PAFAH1B2: variants seen among roughly 807,000 people sequenced by gnomAD.
PAFAH1B2 encodes the protein platelet-activating factor acetylhydrolase IB subunit alpha2.
In PAFAH1B2, 8 loss-of-function variants were observed where a neutral mutation model predicts 28.0. The observed-to-expected ratio is 0.29, with a 90% CI of 0.17 to 0.52. The LOEUF (loss-of-function observed/expected upper bound fraction) is 0.52, where lower values mean the gene tolerates loss of function less well. PAFAH1B2 is among the 20% of genes least tolerant of loss of function. PAFAH1B2 has a pLI of 0.97. For missense variants in PAFAH1B2, 190 were observed against 282.6 expected (o/e 0.67, Z 2.35); for synonymous variants, 104 against 103.2 (o/e 1.01, Z -0.05).
intron 1 of PAFAH1B2, among the ~76,000 whole-genome samples, chr11:117,151,777 T>G (rs1246090480): frequency 1.3e-5 from 2 of 152,048 alleles, no homozygotes; most frequent in African/African-American, 4.8e-5. Flanking sequence ...CTCGGCTCAC[T>G]GCAAGCTCCA....
chr11:117,153,719 A>G (rs61905475), intron 2 of PAFAH1B2, among the ~76,000 whole-genome samples: 4,347 of 152,102 alleles, frequency 0.029, 87 homozygotes, highest in Non-Finnish European at 0.036. Flanking sequence ...ATATGTATAT[A>G]CTAACGTAGT....
At chr11:117,151,453 T>C (rs1178801842) in intron 1 of PAFAH1B2, among the ~76,000 whole-genome samples, 1 of 152,074 alleles carries the variant, frequency 6.6e-6, no homozygotes, top group African/African-American at 2.4e-5. Flanking sequence ...ATGGTCTCAA[T>C]CTCCTGACCT....
chr11:117,148,259 G>T (rs973138231), intron 1 of PAFAH1B2, among the ~76,000 whole-genome samples: 1 of 151,812 alleles, frequency 6.6e-6, no homozygotes, highest in Admixed American at 6.6e-5. Flanking sequence ...CACCATGTTG[G>T]CCAGGCTGGT....
At position 117,170,174 on chromosome 11, in the gene PAFAH1B2, C is replaced by T; in HGVS notation, c.*2475C>T. 9.5e-6 allele frequency: 10 copies of T among 1,055,774 alleles called. No homozygotes were observed. The highest frequency in any genetic ancestry group is 1.1e-5 in the Non-Finnish European group (10 of 873,342). The allele number at this position is 1,055,774 out of a possible 1,614,324, so 65.4% of individuals were successfully genotyped here. On this transcript the variant is annotated 3_prime_UTR_variant, in exon 6 of 6. Coordinates refer to ENST00000527958, the MANE Select transcript of PAFAH1B2 (RefSeq NM_002572.4). ...TTGACATCCTAGTTTGCGTCAGTGACAGAACTTACTGCTTAGTCTTTGTAC... is the reference window on the plus strand; with the variant it reads ...TTGACATCCTAGTTTGCGTCAGTGATAGAACTTACTGCTTAGTCTTTGTAC...
chr11:117,175,827 AG>A, downstream of PAFAH1B2: 1 of 1,340,094 alleles, frequency 7.5e-7, no homozygotes, highest in Non-Finnish European at 1.0e-6. Flanking sequence ...GCTACTCGAG[AG>A]GCTGTGGCAG....
intron 1 of PAFAH1B2, among the ~76,000 whole-genome samples, chr11:117,146,643 G>C (rs1180171865): frequency 1.3e-5 from 2 of 152,100 alleles, no homozygotes; most frequent in Non-Finnish European, 2.9e-5. Flanking sequence ...GCAGTGAGCT[G>C]TGTTACGCCA....
intron 5 of PAFAH1B2, chr11:117,164,097 G>A (rs1211250423): frequency 2.7e-5 from 13 of 487,984 alleles, no homozygotes; most frequent in South Asian, 8.0e-5. Flanking sequence ...TTTTATCCAC[G>A]CATCCTTGTT....
intron 2 of PAFAH1B2, among the ~76,000 whole-genome samples, chr11:117,157,417 C>T (rs1237607207): frequency 6.6e-6 from 1 of 152,104 alleles, no homozygotes; most frequent in Non-Finnish European, 1.5e-5. Flanking sequence ...CCTAGGATTA[C>T]AGGCGTGAGC....
downstream of PAFAH1B2, among the ~76,000 whole-genome samples, chr11:117,172,624 T>TTA (rs1956698612): frequency 6.6e-6 from 1 of 152,046 alleles, no homozygotes; most frequent in African/African-American, 2.4e-5. Flanking sequence ...CCAAGAGCAC[T>TTA]GAGCTTCCTT....
downstream of PAFAH1B2, among the ~76,000 whole-genome samples, chr11:117,172,231 AATG>A (rs1343105498): frequency 6.6e-6 from 1 of 151,956 alleles, no homozygotes; most frequent in Non-Finnish European, 1.5e-5. Flanking sequence ...ATCTTAACCC[AATG>A]ACATGTTTTT....
chr11:117,152,286 T>C (rs2134176907), intron 1 of PAFAH1B2, among the ~76,000 whole-genome samples, 155 bp from the exon 2 acceptor site: 1 of 152,384 alleles, frequency 6.6e-6, no homozygotes, highest in African/African-American at 2.4e-5. Flanking sequence ...AATTCATCTC[T>C]ACAGAAAGTA....
downstream of PAFAH1B2, among the ~76,000 whole-genome samples, chr11:117,172,390 ATATATATATATATATTTTTTTTTT>A (rs1956687064): frequency 5.3e-4 from 1 of 1,878 alleles, no homozygotes; most frequent in African/African-American, 2.0e-3. Context: ...ATATATATAT[ATATATATATATATATTTTTTTTTT>A]TTTTTTTTTT....
At chr11:117,156,231 G>A (rs1273062907) in intron 2 of PAFAH1B2, among the ~76,000 whole-genome samples, 2 of 152,136 alleles carry the variant, frequency 1.3e-5, no homozygotes, top group East Asian at 1.9e-4. Context: ...TATAAAAACT[G>A]CATTGCTACA....
downstream of PAFAH1B2, among the ~76,000 whole-genome samples, chr11:117,174,467 A>T (rs923518361): frequency 6.7e-6 from 1 of 149,074 alleles, no homozygotes; most frequent in African/African-American, 2.5e-5. Flanking sequence ...TACAGGCGTG[A>T]GTCACCGCCC....
At chr11:117,151,011 C>A (rs922530525) in intron 1 of PAFAH1B2, among the ~76,000 whole-genome samples, 1 of 150,988 alleles carries the variant, frequency 6.6e-6, no homozygotes, top group Non-Finnish European at 1.5e-5. Context: ...AAAAAGATGA[C>A]CTTCTTTTCT....
intron 1 of PAFAH1B2, among the ~76,000 whole-genome samples, chr11:117,146,483 A>G (rs1160620856): frequency 6.6e-6 from 1 of 152,178 alleles, no homozygotes; most frequent in East Asian, 1.9e-4. Flanking sequence ...TCAATTGGAA[A>G]GAATACAACA....
Position 117,163,919 on chromosome 11 carries a change from TTTG to T in PAFAH1B2, c.411+30_411+32del, listed in dbSNP as rs778447498. The T allele has an allele frequency of 5.0e-6, 8 of 1,608,806 alleles. No homozygotes were observed. The South Asian group carries it at 6.6e-5, about 13-fold the overall frequency. ...TATGTAGTCGTTGGTGGGTAGAGAG[TTTG>T]TTATCTTTAGGTCAGCTGAGGAATC... On this transcript the variant is annotated intron_variant, in intron 5 of 5. Coordinates refer to ENST00000527958, the MANE Select transcript of PAFAH1B2 (RefSeq NM_002572.4).
At chr11:117,148,782 TTA>T (rs1332691976) in intron 1 of PAFAH1B2, among the ~76,000 whole-genome samples, 1 of 152,084 alleles carries the variant, frequency 6.6e-6, no homozygotes, top group African/African-American at 2.4e-5. Context: ...ATCGTATAAT[TTA>T]TATAGATCAT....
intron 3 of PAFAH1B2, 34 bp from the exon 4 acceptor site, chr11:117,161,111 T>C (rs764289045): frequency 1.5e-6 from 2 of 1,355,108 alleles, no homozygotes; most frequent in Non-Finnish European, 2.1e-6. Context: ...TCCCCTAGTT[T>C]TAGGTACACT....
Sources: gnomAD v4.1 joint callset for allele counts (sites outside exome capture counted in the v4.1 genomes callset) on GRCh38, gnomAD v4.1.1 for gene constraint, MANE v1.5 for transcripts, NCBI Gene and HGNC (gene_info 2026-07-23, HGNC 2026-07-21) for gene names.